SLC28A3: variants seen among roughly 807,000 people sequenced by gnomAD.
SLC28A3 encodes concentrative Na(+)-nucleoside cotransporter 3.
In SLC28A3, 68 loss-of-function variants were observed where a neutral mutation model predicts 84.2. The observed-to-expected ratio is 0.81, with a 90% confidence interval of 0.66 to 0.99. The LOEUF is 0.99. Ranked by LOEUF, SLC28A3 falls within the 50% of genes least tolerant of loss-of-function variation. The pLI, the probability that SLC28A3 is intolerant of heterozygous loss-of-function variation, is 0.00. For synonymous variants in SLC28A3, 267 were observed against 303.6 expected, an observed-to-expected ratio of 0.88 and a Z score of 1.25; for missense variants, 712 against 841.5, an observed-to-expected ratio of 0.85 and a Z score of 1.90.
intron 2 of SLC28A3, 82 bp downstream of exon 2, chr9:84,313,277 C>A: frequency 8.2e-7 from 1 of 1,219,644 alleles, no homozygotes; most frequent in Non-Finnish European, 1.2e-6. Flanking sequence ...GGGCGCCATG[C>A]TTTCTGTGCC....
chr9:84,283,625 C>G (rs190904549), intron 14 of SLC28A3, among the ~76,000 whole-genome samples: 1 of 152,064 alleles, frequency 6.6e-6, no homozygotes, highest in East Asian at 1.9e-4. Flanking sequence ...TACATGTAAA[C>G]AAATGAATAA....
At position 84,292,708 on chromosome 9, in the gene SLC28A3, A is replaced by C; in HGVS notation, c.983T>G (p.Ile328Ser). The C allele has an allele frequency of 6.2e-7, 1 of 1,609,198 alleles. No individual in the cohort carries two copies. Among genetic ancestry groups the C allele is most frequent in the Non-Finnish European group, 8.5e-7 (1 of 1,178,432 alleles). The change falls in exon 10 of 18, where the codon ATT (isoleucine) becomes AGT (serine). Residue 328 changes from isoleucine to serine, a missense_variant. Ile to Ser is a moderately radical substitution (Grantham distance 142). Coordinates refer to ENST00000376238, the MANE Select transcript of SLC28A3 (RefSeq NM_001199633.2). Reference protein sequence around the residue: ...IMLVTTGSSPIESVVASGNIF... With the variant: ...IMLVTTGSSPSESVVASGNIF... ...ATTGCCAGAAGCAACTACAGATTCAATAGGAGATGATCCCGTAGTAACTAG... is the reference window on the plus strand; with the variant it reads ...ATTGCCAGAAGCAACTACAGATTCACTAGGAGATGATCCCGTAGTAACTAG...
chr9:84,314,312 G>A (rs755143164), intron 1 of SLC28A3, among the ~76,000 whole-genome samples: 9 of 152,102 alleles, frequency 5.9e-5, no homozygotes, highest in Non-Finnish European at 1.2e-4. Flanking sequence ...GTTTCCAGAA[G>A]TGACAAACAC....
intron 1 of SLC28A3, among the ~76,000 whole-genome samples, chr9:84,325,798 C>A (rs536876714): frequency 2.0e-5 from 3 of 152,292 alleles, no homozygotes; most frequent in Non-Finnish European, 4.4e-5. Context: ...GAACACTGAC[C>A]GGTGACTCCT....
intron 1 of SLC28A3, among the ~76,000 whole-genome samples, chr9:84,330,010 T>C (rs1327692804): frequency 6.6e-6 from 1 of 152,128 alleles, no homozygotes; most frequent in African/African-American, 2.4e-5. Context: ...AATCTTCTAC[T>C]GTAATGAACT....
At chr9:84,301,567 A>G (rs1179392408) in intron 5 of SLC28A3, among the ~76,000 whole-genome samples, 1 of 152,174 alleles carries the variant, frequency 6.6e-6, no homozygotes, top group African/African-American at 2.4e-5. Flanking sequence ...CCCATGTTCT[A>G]TGATCCTCAT....
the SLC28A3 span, among the ~76,000 whole-genome samples, chr9:84,355,989 T>A: frequency 0.071 from 10,844 of 151,796 alleles, 498 homozygotes; most frequent in Non-Finnish European, 0.1. Context: ...TAATTTTTTT[T>A]AAAAAAATTG....
chr9:84,297,670 G>A (rs1825467825), intron 7 of SLC28A3, among the ~76,000 whole-genome samples: 1 of 152,184 alleles, frequency 6.6e-6, no homozygotes, highest in South Asian at 2.1e-4. Context: ...CTGGGGAGGA[G>A]GATGTGGGCA....
At chr9:84,330,683 A>G (rs1221404024) in intron 1 of SLC28A3, among the ~76,000 whole-genome samples, 5 of 152,248 alleles carry the variant, frequency 3.3e-5, no homozygotes, top group African/African-American at 1.2e-4. Flanking sequence ...AGTATTTCTG[A>G]TAAAAATGTA....
chr9:84,299,713 G>A lies in SLC28A3; in HGVS notation c.537C>T (p.Ser179=), dbSNP rs770692092. 3.1e-6 allele frequency: 5 copies of A among 1,598,806 alleles called. No individual in the cohort carries two copies. The Admixed American group carries it at 7.2e-5, about 23-fold the overall frequency. ...AGAAAATAACTGCTAGGACCAGGGA[G>A]CTCCAGATCACCCTAAGAGAAGGGG... ...HWFWLKWVIW[S]SLVLAVIFWL... is the part of the protein sequence containing the mutation. Residue 179 remains serine, a synonymous_variant, in exon 6 of 18, where the codon AGC becomes AGT. Coordinates refer to ENST00000376238, the MANE Select transcript of SLC28A3 (RefSeq NM_001199633.2).
At chr9:84,313,220 C>T in intron 2 of SLC28A3, 139 bp downstream of exon 2, 1 of 641,482 alleles carries the variant, frequency 1.6e-6, no homozygotes. Flanking sequence ...CGACTATGCC[C>T]CCACACACTT....
intron 1 of SLC28A3, among the ~76,000 whole-genome samples, chr9:84,335,823 CT>C (rs1337786569): frequency 6.6e-6 from 1 of 151,832 alleles, no homozygotes; most frequent in Non-Finnish European, 1.5e-5. Context: ...CATTATTATG[CT>C]CTTTTACAGA....
rs1217557626 is a variant in SLC28A3 at position 84,288,197 on chromosome 9, G to A, written c.1150-19C>T. ...ATGGAACCTGCAATTTCAGAAGAAA[G>A]AAGGCAAACCTGGGATTAGCTTTTT... On this transcript the variant is annotated intron_variant, in intron 11 of 17. Transcript: ENST00000376238. The A allele has an allele frequency of 3.7e-6, 6 of 1,613,494 alleles. No individual in the cohort carries two copies. In the Admixed American group the frequency reaches 5.0e-5, roughly 13 times the overall value.
the SLC28A3 span, among the ~76,000 whole-genome samples, chr9:84,367,961 TATCTCAACCGCAAAGAGGCCTTCCTCTC>T: frequency 6.6e-6 from 1 of 152,186 alleles, no homozygotes; most frequent in Non-Finnish European, 1.5e-5. Context: ...GCCTTCCTCT[TATCTCAACCGCAAAGAGGCCTTCCTCTC>T]TTACTAATCC....
chr9:84,367,989 C>T, the SLC28A3 span, among the ~76,000 whole-genome samples: 44,519 of 151,900 alleles, frequency 0.29, 7,777 homozygotes, highest in African/African-American at 0.49. Flanking sequence ...GCCTTCCTCT[C>T]TTACTAATCC....
intron 1 of SLC28A3, among the ~76,000 whole-genome samples, chr9:84,334,456 G>A (rs1826898374): frequency 6.6e-6 from 1 of 152,174 alleles, no homozygotes; most frequent in African/African-American, 2.4e-5. Flanking sequence ...ATTTGGGTCA[G>A]TAGTCACCCC....
At position 84,340,680 on chromosome 9, in the gene SLC28A3, T is replaced by C. The variant is rs1259310630; in HGVS notation, c.-47A>G. On this transcript the variant is annotated 5_prime_UTR_variant, in exon 1 of 18. Transcript: ENST00000376238. The stretch of plus-strand genomic sequence containing the variant: ...CTCTGGTCTGGAGGTCCTTTGTACC[T>C]GGGAAAAAGCACCAGTCTCTGCTGA... 2 of 1,609,556 alleles carry C rather than the reference T, an allele frequency of 1.2e-6. No homozygotes were observed. The highest frequency in any genetic ancestry group is 1.1e-5 in the South Asian group (1 of 90,876).
chr9:84,289,857 A>G (rs1825142511), intron 11 of SLC28A3: 1 of 231,498 alleles, frequency 4.3e-6, no homozygotes, highest in African/African-American at 2.3e-5. Flanking sequence ...TGACTGATGT[A>G]ATAATTTTTT....
chr9:84,284,987 G>A (rs1198048387), intron 14 of SLC28A3, among the ~76,000 whole-genome samples: 2 of 152,174 alleles, frequency 1.3e-5, no homozygotes, highest in African/African-American at 4.8e-5. Flanking sequence ...CCCATGACTT[G>A]CTATGGCCTC....
Sources: allele counts gnomAD v4.1 joint callset (sites outside exome capture counted in the v4.1 genomes callset), GRCh38; gene constraint gnomAD v4.1.1; transcripts MANE v1.5; gene names NCBI Gene and HGNC (gene_info 2026-07-23, HGNC 2026-07-21).